The following ARHGEF26 variants were observed in gnomAD, a reference collection of about 807,000 sequenced individuals.
The protein encoded by ARHGEF26 is Rho guanine nucleotide exchange factor 26.
Under a neutral mutation model 89.4 loss-of-function variants are expected in ARHGEF26, and 59 were observed. That is an observed-to-expected ratio of 0.66 (90% CI 0.54 to 0.82). The LOEUF is 0.82. ARHGEF26 is among the 40% of genes least tolerant of loss of function. The probability of loss-of-function intolerance (pLI) is 0.00; values close to 1 mark genes in which losing one functional copy is unlikely to be tolerated. For missense variants in ARHGEF26, 1,234 were observed against 1,085.6 expected, an observed-to-expected ratio of 1.14 and a Z score of -1.92; for synonymous variants, 500 against 428.4, an observed-to-expected ratio of 1.17 and a Z score of -2.06.
chr3:154,137,293 G>A (rs1719065856), intron 4 of ARHGEF26, among the ~76,000 whole-genome samples: 1 of 152,174 alleles, frequency 6.6e-6, no homozygotes, highest in South Asian at 2.1e-4. Flanking sequence ...TAGCTCGTTA[G>A]CATGCTTAGC....
At chr3:154,156,860 A>G (rs1253417426) in intron 6 of ARHGEF26, among the ~76,000 whole-genome samples, 2 of 152,220 alleles carry the variant, frequency 1.3e-5, no homozygotes, top group African/African-American at 4.8e-5. Context: ...TAAGCATGGT[A>G]TTGTTAAGTA....
intron 6 of ARHGEF26, among the ~76,000 whole-genome samples, chr3:154,182,055 A>G (rs886608977): frequency 4.0e-5 from 6 of 151,874 alleles, no homozygotes; most frequent in South Asian, 4.2e-4. Context: ...GTGTGTATAT[A>G]TACACACACA....
intron 5 of ARHGEF26, among the ~76,000 whole-genome samples, chr3:154,150,377 A>G (rs1713818): frequency 0.67 from 101,194 of 151,840 alleles, 34,643 homozygotes; most frequent in South Asian, 0.77. Context: ...CCCAGAGACA[A>G]CTATAATTAT....
intron 8 of ARHGEF26, 117 bp downstream of exon 8, chr3:154,191,535 C>A: frequency 8.1e-7 from 1 of 1,232,702 alleles, no homozygotes; most frequent in East Asian, 2.5e-5. Flanking sequence ...AAAAATCCCC[C>A]AATTAAGTGA....
At chr3:154,168,448 A>AT (rs1559874104) in intron 6 of ARHGEF26, among the ~76,000 whole-genome samples, 1 of 152,072 alleles carries the variant, frequency 6.6e-6, no homozygotes, top group African/African-American at 2.4e-5. Context: ...GTGGTGGCAC[A>AT]TGCCTGTAGT....
At chr3:154,135,794 C>T (rs528560661) in intron 4 of ARHGEF26, among the ~76,000 whole-genome samples, 86 of 152,230 alleles carry the variant, frequency 5.6e-4, no homozygotes, top group African/African-American at 2.0e-3. Flanking sequence ...AGTAGGACCC[C>T]GGAAGTATTT....
chr3:154,210,404 G>A (rs576888606), intron 9 of ARHGEF26, among the ~76,000 whole-genome samples: 3 of 152,004 alleles, frequency 2.0e-5, no homozygotes, highest in Non-Finnish European at 4.4e-5. Context: ...AAGGCAGCAG[G>A]TTCCCTTCTG....
chr3:154,224,913 A>G (rs1482321781), intron 10 of ARHGEF26, among the ~76,000 whole-genome samples: 1 of 152,056 alleles, frequency 6.6e-6, no homozygotes, highest in African/African-American at 2.4e-5. Context: ...TCCTTTAGCT[A>G]TTTTTAATCA....
At chr3:154,123,747 AAACTT>A (rs1460718258) in intron 2 of ARHGEF26, among the ~76,000 whole-genome samples, 1 of 152,196 alleles carries the variant, frequency 6.6e-6, no homozygotes, top group Non-Finnish European at 1.5e-5. Flanking sequence ...TGGCAGCTGA[AAACTT>A]AAGGTTAGGG....
At chr3:154,218,585 C>T (rs1040524861) in intron 10 of ARHGEF26, among the ~76,000 whole-genome samples, 2 of 152,276 alleles carry the variant, frequency 1.3e-5, no homozygotes, top group East Asian at 1.9e-4. Flanking sequence ...TGAGTGCTCA[C>T]GATTGTGACT....
rs1284793164 is a variant in ARHGEF26 at position 154,153,056 on chromosome 3, C to T, written c.1487+124C>T. 1.7e-5 allele frequency: 15 copies of T among 859,748 alleles called. No homozygotes were observed. The East Asian group carries it at 3.1e-4, about 18-fold the overall frequency. 53.3% of individuals were successfully genotyped at this position (859,748 alleles called of 1,614,324 possible). ...CATTCAGTTGGCTTTTGTCTTGATT[C>T]CTTGAAATACATTTTGAGATATGTT... On this transcript the variant is annotated intron_variant, in intron 6 of 14. Coordinates refer to ENST00000465093, the MANE Select transcript of ARHGEF26 (RefSeq NM_015595.4).
chr3:154,198,659 T>C (rs370102155), intron 9 of ARHGEF26, among the ~76,000 whole-genome samples: 4 of 152,130 alleles, frequency 2.6e-5, no homozygotes, highest in East Asian at 1.9e-4. Context: ...TTCTGACTTA[T>C]AAGTGGGAGC....
In ARHGEF26 at chr3:154,253,005, C is replaced by T. The variant is rs185882157; in HGVS notation, c.2301-111C>T. The stretch of plus-strand genomic sequence containing the variant: ...TCTCACCCTGTTTTACCATACCTCT[C>T]TAGAGAATCTCTTGTTTTCTGGGAG... On this transcript the variant is annotated intron_variant, in intron 12 of 14. Coordinates refer to ENST00000465093, the MANE Select transcript of ARHGEF26 (RefSeq NM_015595.4). 2.2e-5 allele frequency: 26 copies of T among 1,195,856 alleles called. No individual in the cohort carries two copies. The African/African-American group carries it at 2.5e-4, about 12-fold the overall frequency. 74.1% of individuals were successfully genotyped at this position (1,195,856 alleles called of 1,614,324 possible).
chr3:154,124,517 C>A, intron 3 of ARHGEF26, 68 bp downstream of exon 3: 2 of 1,347,442 alleles, frequency 1.5e-6, no homozygotes, highest in Non-Finnish European at 2.0e-6. Flanking sequence ...AGTTGAAATC[C>A]AACTGCAGTA....
chr3:154,167,904 A>T (rs1037546779), intron 6 of ARHGEF26, among the ~76,000 whole-genome samples: 2 of 152,180 alleles, frequency 1.3e-5, no homozygotes, highest in Non-Finnish European at 2.9e-5. Flanking sequence ...GTAACTCATG[A>T]TTGCAGTTTT....
chr3:154,161,494 TTGA>T (rs1273830132), intron 6 of ARHGEF26, among the ~76,000 whole-genome samples: 2 of 152,188 alleles, frequency 1.3e-5, no homozygotes, highest in Non-Finnish European at 2.9e-5. Context: ...AATTATTTTG[TTGA>T]TGTTATTACT....
intron 9 of ARHGEF26, among the ~76,000 whole-genome samples, chr3:154,201,063 C>T (rs551621257): frequency 8.6e-5 from 13 of 151,824 alleles, no homozygotes; most frequent in Admixed American, 3.3e-4. Flanking sequence ...AGGTTTGTTA[C>T]GTATGTGTAT....
chr3:154,181,345 T>C (rs1436673533), intron 6 of ARHGEF26, among the ~76,000 whole-genome samples: 1 of 152,136 alleles, frequency 6.6e-6, no homozygotes, highest in Admixed American at 6.6e-5. Flanking sequence ...GTTACAAGTC[T>C]CCAGCCTAAG....
intron 11 of ARHGEF26, among the ~76,000 whole-genome samples, chr3:154,237,992 T>C (rs538694505): frequency 4.0e-4 from 61 of 152,294 alleles, no homozygotes; most frequent in South Asian, 1.9e-3. Context: ...GCTGTTGTTG[T>C]TGAGGTTTTG....
Sources: gnomAD v4.1 joint callset for allele counts (sites outside exome capture counted in the v4.1 genomes callset) on GRCh38, gnomAD v4.1.1 for gene constraint, MANE v1.5 for transcripts, NCBI Gene and HGNC (gene_info 2026-07-23, HGNC 2026-07-21) for gene names.